The following POLK variants were observed in gnomAD, a reference collection of about 807,000 sequenced individuals.
POLK encodes DNA polymerase kappa.
Under a neutral mutation model 94.0 loss-of-function variants are expected in POLK, and 76 were observed. The ratio of observed to expected loss-of-function variants is 0.81; its 90% CI spans 0.67 to 0.98. The LOEUF (loss-of-function observed/expected upper bound fraction) is 0.98, where lower values mean the gene tolerates loss of function less well. Among genes scored for constraint, POLK ranks in the 50% least tolerant of loss-of-function variants. POLK has a pLI of 0.00. For missense variants in POLK, 954 were observed against 1,010.1 expected, an observed-to-expected ratio of 0.94 and a Z score of 0.75; for synonymous variants, 349 against 325.4, an observed-to-expected ratio of 1.07 and a Z score of -0.78.
At chr5:75,608,319 A>G in the POLK span, among the ~76,000 whole-genome samples, 1 of 151,910 alleles carries the variant, frequency 6.6e-6, no homozygotes, top group Admixed American at 6.6e-5. Flanking sequence ...TCAGCTTCCC[A>G]AGTAGCTAAG....
intron 1 of POLK, among the ~76,000 whole-genome samples, chr5:75,514,019 C>T (rs759430795): frequency 1.3e-5 from 2 of 151,968 alleles, no homozygotes; most frequent in African/African-American, 2.4e-5. Context: ...TTCACTTCTA[C>T]TATAATTTCA....
intron 1 of POLK, among the ~76,000 whole-genome samples, chr5:75,536,749 A>G (rs754371872): frequency 2.3e-4 from 35 of 152,130 alleles, no homozygotes; most frequent in Non-Finnish European, 5.0e-4. Flanking sequence ...AGGGATGGGC[A>G]GGGTGACATG....
chr5:75,580,730 T>C lies in POLK; in HGVS notation c.695-479T>C, dbSNP rs182485130. On this transcript the variant is annotated intron_variant, in intron 6 of 14. Transcript: ENST00000241436. ...ACATCTAAAAGGTTTCTTCCATAAA[T>C]GAAGAAAAGTTAAGTGTTTTTCCTT... 7.0e-5 allele frequency: 11 copies of C among 156,310 alleles called. No individual in the cohort carries two copies. In the East Asian group the frequency reaches 2.1e-3, roughly 30 times the overall value. The allele number at this position is 156,310 out of a possible 1,614,324, so 9.7% of individuals were successfully genotyped here.
chr5:75,570,527 C>T (rs928499467), intron 4 of POLK, among the ~76,000 whole-genome samples: 13 of 152,136 alleles, frequency 8.5e-5, no homozygotes, highest in African/African-American at 2.9e-4. Flanking sequence ...AAAAGGTTTG[C>T]CAACCCTAGT....
At chr5:75,609,117 A>G in the POLK span, 1 of 152,228 alleles carries the variant, frequency 6.6e-6, no homozygotes, top group Admixed American at 6.5e-5. Context: ...ATAAGGCTAT[A>G]TAGCATAAAA....
chr5:75,559,526 T>G (rs1770855095), intron 3 of POLK, among the ~76,000 whole-genome samples: 2 of 109,096 alleles, frequency 1.8e-5, no homozygotes, highest in Admixed American at 8.5e-5. Context: ...TTGTTTTGTT[T>G]TTTTTTTTTT....
intron 1 of POLK, among the ~76,000 whole-genome samples, chr5:75,528,665 T>A (rs1010651478): frequency 6.0e-5 from 9 of 150,810 alleles, no homozygotes; most frequent in Admixed American, 1.3e-4. Flanking sequence ...AAAAAAAAAA[T>A]TTGGGCAAGG....
chr5:75,587,775 G>C (rs1390327227), intron 10 of POLK, among the ~76,000 whole-genome samples: 1 of 152,092 alleles, frequency 6.6e-6, no homozygotes, highest in African/African-American at 2.4e-5. Context: ...ACAAAAATCA[G>C]CCCGGTGTGG....
intron 1 of POLK, among the ~76,000 whole-genome samples, chr5:75,530,706 A>G (rs1769131274): frequency 6.6e-6 from 1 of 151,674 alleles, no homozygotes; most frequent in African/African-American, 2.4e-5. Flanking sequence ...TTTTATCTGT[A>G]TATTAGTCTG....
exon 3 of POLK, chr5:75,552,536 T>C: frequency 2.5e-6 from 4 of 1,612,758 alleles, no homozygotes; most frequent in Middle Eastern, 1.7e-4. Flanking sequence ...ATTGAAAATA[T>C]GATGCAACAA....
chr5:75,511,679 C>A (rs1329328764), upstream of POLK: 71 of 1,530,740 alleles, frequency 4.6e-5, no homozygotes, highest in South Asian at 8.8e-4. Flanking sequence ...CCCATTCTCC[C>A]CCACTACTCC....
chr5:75,578,449 G>A (rs935686892), intron 6 of POLK, among the ~76,000 whole-genome samples: 8 of 152,128 alleles, frequency 5.3e-5, no homozygotes, highest in African/African-American at 1.9e-4. Flanking sequence ...GAGCCACCAC[G>A]CCCAGCCTAC....
rs751166149 is a variant in POLK, at chr5:75,596,936, C to G, written c.2243C>G (p.Thr748Ser). 3.1e-6 allele frequency: 5 copies of G among 1,613,310 alleles called. No individual in the cohort carries two copies. The African/African-American group carries it at 6.7e-5, about 22-fold the overall frequency. The change falls in exon 13 of 15, where the codon ACT (threonine) becomes AGT (serine). Residue 748 changes from threonine (T) to serine (S), a missense_variant. Thr to Ser is a moderately conservative substitution (Grantham distance 58). Coordinates refer to ENST00000241436, the Ensembl canonical transcript of POLK. ...CACTGTCATCAGAATTCTTCTTCTA[C>G]TGTTTCATTGGAAAACGAAGATGTT...
intron 2 of POLK, 107 bp from the exon 3 acceptor site, chr5:75,552,365 A>G: frequency 9.5e-7 from 1 of 1,048,352 alleles, no homozygotes; most frequent in South Asian, 1.9e-5. Context: ...TAAGTTTTAA[A>G]TTTAATCTTC....
At chr5:75,571,925 A>G (rs1181846400) in intron 4 of POLK, among the ~76,000 whole-genome samples, 1 of 152,170 alleles carries the variant, frequency 6.6e-6, no homozygotes. Flanking sequence ...TTACTAAACC[A>G]TTGGTTTTGT....
intron 1 of POLK, among the ~76,000 whole-genome samples, chr5:75,527,502 T>TATACACACACACAC (rs555220325): frequency 1.7e-4 from 23 of 133,028 alleles, no homozygotes; most frequent in African/African-American, 5.4e-4. Flanking sequence ...AATTTATATA[T>TATACACACACACAC]ACACACACAC....
At chr5:75,543,020 T>C (rs1392355885) in intron 1 of POLK, among the ~76,000 whole-genome samples, 4 of 141,134 alleles carry the variant, frequency 2.8e-5, no homozygotes, top group Admixed American at 2.2e-4. Flanking sequence ...CTTATTTATT[T>C]ATTTATTTAT....
chr5:75,566,233 C>T (rs2112740932), intron 3 of POLK, among the ~76,000 whole-genome samples: 1 of 152,328 alleles, frequency 6.6e-6, no homozygotes, highest in South Asian at 2.1e-4. Flanking sequence ...GCTGGAGTGT[C>T]CCAGGTCAAC....
At chr5:75,604,319 A>T (rs1043677180), downstream of POLK, among the ~76,000 whole-genome samples, 3 of 151,834 alleles carry the variant, frequency 2.0e-5, no homozygotes, top group Non-Finnish European at 4.4e-5. Context: ...ACCTGGGGCT[A>T]AAAAAAACTG....
Sources: gnomAD v4.1 joint callset for allele counts (sites outside exome capture counted in the v4.1 genomes callset) on GRCh38, gnomAD v4.1.1 for gene constraint, MANE v1.5 for transcripts, NCBI Gene and HGNC (gene_info 2026-07-23, HGNC 2026-07-21) for gene names.